RBFOX1: variants seen among roughly 807,000 people sequenced by gnomAD.
RBFOX1 encodes the protein RNA binding fox-1 homolog 1.
RBFOX1 carries 8 observed loss-of-function variants against 57.7 expected under a neutral mutation model. The observed-to-expected ratio is 0.14, with a 90% CI of 0.08 to 0.25. RBFOX1 has a LOEUF of 0.25. Among genes scored for constraint, RBFOX1 ranks in the 10% least tolerant of loss-of-function variants. The pLI, the probability that RBFOX1 is intolerant of heterozygous loss-of-function variation, is 1.00. For missense variants in RBFOX1, 611 were observed against 548.5 expected (o/e 1.11, Z -1.14); for synonymous variants, 326 against 222.4 (o/e 1.47, Z -4.15).
chr16:5,339,492 T>TTTTTTTTTTTTTTTTTG (rs2064986716), intron 1 of RBFOX1, among the ~76,000 whole-genome samples: 1 of 127,272 alleles, frequency 7.9e-6, no homozygotes, highest in Non-Finnish European at 1.6e-5. Flanking sequence ...TTTTTTTTTT[T>TTTTTTTTTTTTTTTTTG]TTTTTTTTGA....
intron 3 of RBFOX1, among the ~76,000 whole-genome samples, chr16:5,653,524 G>C (rs989191068): frequency 1.3e-5 from 2 of 152,066 alleles, no homozygotes; most frequent in Admixed American, 6.5e-5. Context: ...GGAGCCGTGT[G>C]CTGCGCCTTT....
intron 2 of RBFOX1, among the ~76,000 whole-genome samples, chr16:6,333,957 A>T (rs1056955779): frequency 6.6e-6 from 1 of 152,212 alleles, no homozygotes; most frequent in Non-Finnish European, 1.5e-5. Flanking sequence ...GCCAAAGAAC[A>T]ATTAAAGTGA....
chr16:5,290,157 C>G (rs1345900657), intron 1 of RBFOX1, among the ~76,000 whole-genome samples: 2 of 152,156 alleles, frequency 1.3e-5, no homozygotes, highest in African/African-American at 2.4e-5. Context: ...TATGAAATGT[C>G]CAGAACACGC....
intron 2 of RBFOX1, among the ~76,000 whole-genome samples, chr16:6,624,011 T>C (rs1348612011): frequency 1.3e-5 from 2 of 152,074 alleles, no homozygotes; most frequent in African/African-American, 4.8e-5. Flanking sequence ...CCCTGAGGAG[T>C]CGCCACACTG....
intron 1 of RBFOX1, among the ~76,000 whole-genome samples, chr16:6,216,380 G>A (rs780120575): frequency 6.6e-6 from 1 of 152,086 alleles, no homozygotes; most frequent in Non-Finnish European, 1.5e-5. Context: ...CAGAGAAACA[G>A]GCATGAGACC....
Position 6,743,823 on chromosome 16 carries a change from AC to A in RBFOX1, c.-16+89174del, listed in dbSNP as rs1417424886. Among the ~76,000 whole-genome samples the A allele has an allele frequency of 4.0e-3, 582 of 147,088 alleles. 78 individuals carry two copies. Among genetic ancestry groups the A allele is most frequent in the African/African-American group, 0.015 (573 of 39,066 alleles). On this transcript the variant is annotated intron_variant, in intron 3 of 15. Coordinates refer to ENST00000550418, the MANE Select transcript of RBFOX1 (RefSeq NM_018723.4). Reference sequence around the variant, plus strand: ...TCATTATTTTTTCTCATGTGTTTTGACTATTTAAAAAATCATGTTCATTTAT... The same window carrying A: ...TCATTATTTTTTCTCATGTGTTTTGATATTTAAAAAATCATGTTCATTTAT...
At chr16:6,172,504 T>G (rs9931658) in intron 1 of RBFOX1, among the ~76,000 whole-genome samples, 14,112 of 152,176 alleles carry the variant, frequency 0.093, 760 homozygotes, top group African/African-American at 0.14. Flanking sequence ...CCCCCTGTAG[T>G]GCCCCTCAAC....
At chr16:7,216,520 G>A (rs1030464572) in intron 4 of RBFOX1, among the ~76,000 whole-genome samples, 1 of 152,108 alleles carries the variant, frequency 6.6e-6, no homozygotes, top group African/African-American at 2.4e-5. Flanking sequence ...TACTTCATGG[G>A]TTATTGTAAA....
chr16:7,066,560 C>T (rs1000574211), intron 4 of RBFOX1, among the ~76,000 whole-genome samples: 1 of 152,162 alleles, frequency 6.6e-6, no homozygotes, highest in Admixed American at 6.5e-5. Context: ...TAGGTGCTAC[C>T]AGTTAAATTA....
At chr16:6,507,404 C>T (rs1202365166) in intron 2 of RBFOX1, among the ~76,000 whole-genome samples, 1 of 147,580 alleles carries the variant, frequency 6.8e-6, no homozygotes, top group Non-Finnish European at 1.5e-5. Flanking sequence ...GGCATGGAGG[C>T]TAATGCCTGT....
At chr16:6,061,572 A>G (rs963429200) in intron 1 of RBFOX1, among the ~76,000 whole-genome samples, 4 of 151,652 alleles carry the variant, frequency 2.6e-5, no homozygotes, top group African/African-American at 9.7e-5. Flanking sequence ...ACTATACACT[A>G]TAGTATATGT....
intron 1 of RBFOX1, among the ~76,000 whole-genome samples, chr16:6,247,061 A>C (rs1448916293): frequency 6.6e-6 from 1 of 152,092 alleles, no homozygotes; most frequent in African/African-American, 2.4e-5. Flanking sequence ...CAAGAGTGGA[A>C]CTCCATCTCA....
chr16:6,366,314 A>G (rs60923185), intron 2 of RBFOX1, among the ~76,000 whole-genome samples: 10,468 of 152,094 alleles, frequency 0.069, 1,188 homozygotes, highest in African/African-American at 0.24. Flanking sequence ...TACCTTTTGG[A>G]TATTGAACTA....
intron 4 of RBFOX1, among the ~76,000 whole-genome samples, chr16:7,502,163 A>G (rs142018615): frequency 9.1e-4 from 138 of 152,300 alleles, no homozygotes; most frequent in African/African-American, 3.0e-3. Context: ...AGACAAGGTC[A>G]TATTTTATCG....
intron 4 of RBFOX1, among the ~76,000 whole-genome samples, chr16:7,262,234 C>T (rs551829003): frequency 6.6e-6 from 1 of 152,138 alleles, no homozygotes; most frequent in South Asian, 2.1e-4. Flanking sequence ...CATTTTCATG[C>T]ATGCATAGCC....
chr16:6,344,391 C>CTTTTTT (rs968842626), intron 2 of RBFOX1, among the ~76,000 whole-genome samples: 1 of 94,406 alleles, frequency 1.1e-5, no homozygotes, highest in African/African-American at 5.3e-5. Context: ...CTCTCTTCTT[C>CTTTTTT]TTTTTTCTTT....
chr16:6,940,463 G>A (rs1567985287), intron 3 of RBFOX1, among the ~76,000 whole-genome samples: 2 of 152,204 alleles, frequency 1.3e-5, no homozygotes. Context: ...TGACGAGTGA[G>A]TGATGACAAT....
intron 1 of RBFOX1, among the ~76,000 whole-genome samples, chr16:5,434,253 A>T (rs533377190): frequency 1.1e-4 from 16 of 149,652 alleles, no homozygotes; most frequent in African/African-American, 3.9e-4. Context: ...CTTAGAAGAG[A>T]AATATTCCCC....
chr16:6,508,098 C>G (rs966788049), intron 2 of RBFOX1, among the ~76,000 whole-genome samples: 12 of 152,112 alleles, frequency 7.9e-5, no homozygotes, highest in African/African-American at 2.9e-4. Context: ...TTATCCTTAG[C>G]AAACTAATGC....
Sources: allele counts gnomAD v4.1 joint callset (sites outside exome capture counted in the v4.1 genomes callset), GRCh38; gene constraint gnomAD v4.1.1; transcripts MANE v1.5; gene names NCBI Gene and HGNC (gene_info 2026-07-23, HGNC 2026-07-21).